The following SMARCA1 variants were observed in gnomAD, a reference collection of about 807,000 sequenced individuals.
SMARCA1 encodes the protein SWI/SNF-related matrix-associated actin-dependent regulator of chromatin subfamily A member 1.
In SMARCA1, 17 loss-of-function variants were observed where a neutral mutation model predicts 93.6. The ratio of observed to expected loss-of-function variants is 0.18; its 90% confidence interval spans 0.12 to 0.27. SMARCA1 has a LOEUF of 0.27. SMARCA1 is among the 10% of genes least tolerant of loss of function. The pLI, the probability that SMARCA1 is intolerant of heterozygous loss-of-function variation, is 1.00. For missense variants in SMARCA1, 630 were observed against 819.0 expected, an observed-to-expected ratio of 0.77 and a Z score of 2.82; for synonymous variants, 271 against 271.4, an observed-to-expected ratio of 1.00 and a Z score of 0.01.
intron 14 of SMARCA1, among the ~76,000 whole-genome samples, chrX:129,491,379 T>C (rs1200843536): frequency 8.9e-6 from 1 of 111,749 alleles, no homozygotes; most frequent in African/African-American, 3.2e-5. Context: ...TGTAGTGTCA[T>C]GATGAAAGGT....
intron 1 of SMARCA1, among the ~76,000 whole-genome samples, chrX:129,521,035 A>T (rs1428237245): frequency 9.7e-6 from 1 of 103,620 alleles, no homozygotes; most frequent in Non-Finnish European, 1.9e-5. Context: ...CTGCCACCAC[A>T]CTTGGCTAAT....
chrX:129,506,131 T>C lies in SMARCA1; in HGVS notation c.1047A>G (p.Glu349=). Residue 349 remains glutamate, a synonymous_variant, in exon 8 of 25, where the codon GAA becomes GAG. Transcript: ENST00000371121. The stretch of plus-strand genomic sequence containing the variant: ...ATAAAAAGTTGAGTAAGGCCCACAG[T>C]TCATGCAGGTTATTCTGCAAAGGTG... ...TGTPLQNNLH[E]LWALLNFLLP... is the part of the protein sequence containing the mutation. 1 of 1,197,074 alleles carries C rather than the reference T, an allele frequency of 8.4e-7. No individual in the cohort carries two copies. Among genetic ancestry groups the C allele is most frequent in the Non-Finnish European group, 1.1e-6 (1 of 882,344 alleles).
chrX:129,508,373 G>A (rs1269888182), intron 6 of SMARCA1, among the ~76,000 whole-genome samples: 1 of 112,020 alleles, frequency 8.9e-6, no homozygotes, highest in Non-Finnish European at 1.9e-5. Context: ...AAGTTCGTAT[G>A]ACCAGAAATC....
intron 16 of SMARCA1, among the ~76,000 whole-genome samples, chrX:129,488,610 TAAAAAAA>T (rs35620990): frequency 1.5e-5 from 1 of 64,931 alleles, no homozygotes; most frequent in African/African-American, 6.0e-5. Flanking sequence ...CCTGTCTCTT[TAAAAAAA>T]AAAAAAAAAA....
At chrX:129,450,065 G>A (rs771347139) in intron 23 of SMARCA1, among the ~76,000 whole-genome samples, 3 of 112,506 alleles carry the variant, frequency 2.7e-5, no homozygotes, top group Middle Eastern at 4.6e-3. Context: ...GTATGTCTCC[G>A]CAAAATTCAT....
intron 23 of SMARCA1, among the ~76,000 whole-genome samples, chrX:129,451,492 C>T (rs755923549): frequency 9.0e-6 from 1 of 111,221 alleles, no homozygotes; most frequent in Admixed American, 9.6e-5. Context: ...TTGAGACAGC[C>T]TCCTAAGCAG....
intron 23 of SMARCA1, among the ~76,000 whole-genome samples, chrX:129,453,019 G>A (rs1482377846): frequency 9.0e-6 from 1 of 111,296 alleles, no homozygotes; most frequent in Non-Finnish European, 1.9e-5. Context: ...GAGGTACCAC[G>A]AATCACAACC....
rs137856394 is a variant in SMARCA1, at chrX:129,457,720, C to T, written c.3030+7800G>A. On this transcript the variant is annotated intron_variant, in intron 23 of 24. Transcript: ENST00000371121. ...CTTCAGACAAGTTAAAAATGTTCCT[C>T]TATGCAAAGCTACAATTTGCTACCT... Among the ~76,000 whole-genome samples the T allele has an allele frequency of 4.1e-3, 463 of 111,989 alleles. 1 individual carries two copies. Among genetic ancestry groups the T allele is most frequent in the African/African-American group, 0.014 (443 of 30,874 alleles).
At chrX:129,511,258 A>G (rs1421678468) in intron 6 of SMARCA1, among the ~76,000 whole-genome samples, 1 of 111,595 alleles carries the variant, frequency 9.0e-6, no homozygotes, top group Non-Finnish European at 1.9e-5. Context: ...ACAGACATGT[A>G]TTTTTCTATT....
chrX:129,504,546 G>GAA (rs1934703363), intron 9 of SMARCA1, among the ~76,000 whole-genome samples, 188 bp downstream of exon 9: 1 of 11,579 alleles, frequency 8.6e-5, no homozygotes, highest in African/African-American at 5.8e-4. Context: ...GGACATAGAG[G>GAA]AATAAAAAAA....
chrX:129,520,263 T>C (rs759409406), intron 1 of SMARCA1, among the ~76,000 whole-genome samples: 5 of 110,040 alleles, frequency 4.5e-5, no homozygotes, highest in African/African-American at 1.7e-4. Flanking sequence ...TATCTGAGTC[T>C]AGGTGCCATG....
chrX:129,486,950 G>A, intron 17 of SMARCA1, 68 bp downstream of exon 17: 1 of 927,152 alleles, frequency 1.1e-6, no homozygotes, highest in African/African-American at 2.0e-5. Context: ...AAGTGCCAGT[G>A]TTATTTTATA....
In SMARCA1 at chrX:129,511,720, A is replaced by T. The variant is rs2022831616; in HGVS notation, c.810+84T>A. ...TCTTATTTAGTAGTAGTCAACTCAGATGTTTTTAACAGCAATAATATGTAA... is the reference window on the plus strand; with the variant it reads ...TCTTATTTAGTAGTAGTCAACTCAGTTGTTTTTAACAGCAATAATATGTAA... On this transcript the variant is annotated intron_variant, in intron 6 of 24. Coordinates refer to ENST00000371121, the MANE Select transcript of SMARCA1 (RefSeq NM_001282874.2). The T allele has an allele frequency of 5.3e-6, 4 of 751,634 alleles. No individual in the cohort carries two copies. In the Admixed American group the frequency reaches 8.9e-5, roughly 17 times the overall value. 61.9% of individuals were successfully genotyped at this position (751,634 alleles called of 1,213,427 possible).
intron 23 of SMARCA1, among the ~76,000 whole-genome samples, chrX:129,449,677 A>C (rs1364346831): frequency 8.9e-6 from 1 of 111,934 alleles, no homozygotes; most frequent in African/African-American, 3.2e-5. Context: ...AAGGATAAAT[A>C]ATATTTTAAA....
chrX:129,489,919 A>T (rs12689007), intron 15 of SMARCA1, 141 bp downstream of exon 15: 6,764 of 415,527 alleles, frequency 0.016, 254 homozygotes, highest in East Asian at 0.15. Context: ...AATTGTACAG[A>T]CTCATGGGAT....
At chrX:129,506,573 C>A (rs1244837582) in intron 7 of SMARCA1, among the ~76,000 whole-genome samples, 1 of 107,772 alleles carries the variant, frequency 9.3e-6, no homozygotes, top group Non-Finnish European at 1.9e-5. Context: ...GCCTTTAATT[C>A]CAGCTACTCA....
intron 3 of SMARCA1, 144 bp downstream of exon 3, chrX:129,516,186 CA>C: frequency 7.9e-6 from 5 of 634,100 alleles, no homozygotes; most frequent in Non-Finnish European, 1.2e-5. Context: ...GTCTTCAAAA[CA>C]TAATTATAAT....
intron 2 of SMARCA1, 51 bp downstream of exon 2, chrX:129,518,310 A>G (rs923141645): frequency 4.3e-6 from 3 of 700,579 alleles, no homozygotes; most frequent in Non-Finnish European, 6.4e-6. Context: ...TAACATCTCA[A>G]CTATAAAAAT....
chrX:129,518,841 T>A (rs188775063), intron 1 of SMARCA1, among the ~76,000 whole-genome samples: 52 of 111,485 alleles, frequency 4.7e-4, no homozygotes, highest in African/African-American at 1.4e-3. Context: ...AAAGTAAATA[T>A]TAATTCTAAG....
Sources: allele counts gnomAD v4.1 joint callset (sites outside exome capture counted in the v4.1 genomes callset), GRCh38; gene constraint gnomAD v4.1.1; transcripts MANE v1.5; gene names NCBI Gene and HGNC (gene_info 2026-07-23, HGNC 2026-07-21).